Variants in SEPTIN14 observed in about 807,000 individuals in gnomAD.
SEPTIN14 encodes septin 14, also known as septin-14.
A neutral mutation model predicts 53.6 loss-of-function variants in SEPTIN14; 40 were observed. The ratio of observed to expected loss-of-function variants is 0.75; its 90% CI spans 0.58 to 0.97. The LOEUF (loss-of-function observed/expected upper bound fraction) is 0.97. SEPTIN14 is among the 50% of genes least tolerant of loss of function. SEPTIN14 has a pLI of 0.00. For synonymous variants in SEPTIN14, 138 were observed against 166.8 expected, an observed-to-expected ratio of 0.83 and a Z score of 1.33; for missense variants, 471 against 508.2, an observed-to-expected ratio of 0.93 and a Z score of 0.70.
chr7:55,806,215 G>T (rs1243602164), intron 8 of SEPTIN14, among the ~76,000 whole-genome samples: 2 of 151,984 alleles, frequency 1.3e-5, no homozygotes, highest in Non-Finnish European at 2.9e-5. Flanking sequence ...TGGCCAGGCT[G>T]ATCTTAAACT....
intron 6 of SEPTIN14, among the ~76,000 whole-genome samples, chr7:55,829,295 C>T (rs1789049533): frequency 6.6e-6 from 1 of 151,074 alleles, no homozygotes; most frequent in Non-Finnish European, 1.5e-5. Flanking sequence ...ATGAGAATTG[C>T]TTGAACCTGG....
chr7:55,837,636 T>G (rs1039411954), intron 5 of SEPTIN14, among the ~76,000 whole-genome samples: 1 of 152,032 alleles, frequency 6.6e-6, no homozygotes, highest in African/African-American at 2.4e-5. Context: ...CAGGCTGAAG[T>G]GCAATGGCGT....
At chr7:55,835,363 C>T (rs1644828552) in intron 5 of SEPTIN14, among the ~76,000 whole-genome samples, 2 of 151,784 alleles carry the variant, frequency 1.3e-5, no homozygotes. Flanking sequence ...CCACCATGCC[C>T]GGCTACTTTT....
At chr7:55,854,244 A>C (rs1223206225) in intron 2 of SEPTIN14, among the ~76,000 whole-genome samples, 2 of 152,208 alleles carry the variant, frequency 1.3e-5, no homozygotes, top group Non-Finnish European at 2.9e-5. Context: ...TTGAATACCC[A>C]TTTGTGATTT....
At chr7:55,801,943 A>C (rs1160599198) in intron 9 of SEPTIN14, among the ~76,000 whole-genome samples, 2 of 152,016 alleles carry the variant, frequency 1.3e-5, no homozygotes, top group Non-Finnish European at 2.9e-5. Flanking sequence ...AAAATGGAAA[A>C]ATACAAAAAT....
chr7:55,862,626 T>C (rs1026632676), intron 1 of SEPTIN14, 62 bp downstream of exon 1: 7 of 152,198 alleles, frequency 4.6e-5, no homozygotes, highest in Non-Finnish European at 1.0e-4. Context: ...CTGAGATGTA[T>C]GTATTTTCAT....
chr7:55,859,052 G>A (rs1789697534), intron 2 of SEPTIN14, among the ~76,000 whole-genome samples: 1 of 151,846 alleles, frequency 6.6e-6, no homozygotes. Context: ...TTGGGAGGCT[G>A]AGGCAGGAGA....
chr7:55,817,502 G>A (rs889896206), intron 7 of SEPTIN14, among the ~76,000 whole-genome samples: 5 of 147,360 alleles, frequency 3.4e-5, no homozygotes, highest in Non-Finnish European at 7.4e-5. Context: ...AAGGAGTCTC[G>A]CTCTGTTGCC....
rs1788513035 is a variant in SEPTIN14 at position 55,800,899 on chromosome 7, G to A, written c.1119+4359C>T. Among the ~76,000 whole-genome samples, 4 of 152,048 alleles carry A rather than the reference G, an allele frequency of 2.6e-5. No homozygotes were observed. The South Asian group carries it at 6.2e-4, about 24-fold the overall frequency. ...ATAGATATCCCATTTAACTTGATGTGATTATTACACATTGTATGCCTATAT... is the reference window on the plus strand; with the variant it reads ...ATAGATATCCCATTTAACTTGATGTAATTATTACACATTGTATGCCTATAT... On this transcript the variant is annotated intron_variant, in intron 9 of 9. Coordinates refer to ENST00000388975, the MANE Select transcript of SEPTIN14 (RefSeq NM_207366.3).
rs1562713344 is a variant in SEPTIN14 at position 55,830,338 on chromosome 7, TA to T, written c.720+4086del. On this transcript the variant is annotated intron_variant, in intron 6 of 9. Transcript: ENST00000388975. ...ATCCAACTGTATATATATATATATA[TA>T]TATATATATATTTTTTTTTTTTTTT... is the stretch of plus-strand genomic sequence containing the variant. Among the ~76,000 whole-genome samples the T allele has an allele frequency of 1.5e-3, 68 of 44,724 alleles. 3 individuals carry two copies. Among genetic ancestry groups the T allele is most frequent in the African/African-American group, 4.6e-3 (57 of 12,434 alleles). The allele number at this position is 44,724 out of a possible 152,430, so 29.3% of individuals were successfully genotyped here. A position where few individuals can be genotyped will look rare whatever the true frequency, so the allele number is the denominator to read the frequency against.
Position 55,839,910 on chromosome 7 carries a change from C to T in SEPTIN14, c.558+3032G>A, listed in dbSNP as rs572917363. 3.3e-5 allele frequency among the ~76,000 whole-genome samples: 5 copies of T among 151,948 alleles called. No homozygotes were observed. The South Asian group carries it at 8.3e-4, about 25-fold the overall frequency. On this transcript the variant is annotated intron_variant, in intron 5 of 9. Coordinates refer to ENST00000388975, the MANE Select transcript of SEPTIN14 (RefSeq NM_207366.3). ...CTGTAATCCCAGCACTTTGGGAGGC[C>T]GAGGTGGGCAGATCACCTGAGATTA...
intron 2 of SEPTIN14, among the ~76,000 whole-genome samples, chr7:55,853,736 G>T (rs1275584919): frequency 6.6e-6 from 1 of 152,058 alleles, no homozygotes; most frequent in Non-Finnish European, 1.5e-5. Flanking sequence ...CATTTATCCT[G>T]ATATGATTAT....
At chr7:55,839,251 T>C (rs949049245) in intron 5 of SEPTIN14, among the ~76,000 whole-genome samples, 3 of 151,854 alleles carry the variant, frequency 2.0e-5, no homozygotes, top group Admixed American at 2.0e-4. Flanking sequence ...TAGCCGGGCG[T>C]GGTAGCGGGC....
chr7:55,811,146 G>A, intron 7 of SEPTIN14: 1 of 486,632 alleles, frequency 2.1e-6, no homozygotes, highest in Non-Finnish European at 4.1e-6. Context: ...AGCTGTTGCT[G>A]CCTCTTCCAA....
chr7:55,846,612 A>C lies in SEPTIN14; in HGVS notation c.80T>G (p.Leu27Ter). ...DTQKENNIRC[L>*]TTIGHFGFEC... ...AAAACCAAAATGTCCAATCGTAGTTAAACAACGAATATTATTTTCTTTTTG... is the reference window on the plus strand; with the variant it reads ...AAAACCAAAATGTCCAATCGTAGTTCAACAACGAATATTATTTTCTTTTTG... The change falls in exon 3 of 10, where the codon TTA becomes TGA. Residue 27 changes from leucine to a stop codon, truncating the protein, a stop_gained. Coordinates refer to ENST00000388975, the MANE Select transcript of SEPTIN14 (RefSeq NM_207366.3). LOFTEE classifies it high-confidence loss of function. 6.7e-7 allele frequency: 1 copy of C among 1,489,106 alleles called. No individual in the cohort carries two copies. Among genetic ancestry groups the C allele is most frequent in the Non-Finnish European group, 9.3e-7 (1 of 1,072,070 alleles). The allele number at this position is 1,489,106 out of a possible 1,614,324, so 92.2% of individuals were successfully genotyped here.
intron 7 of SEPTIN14, among the ~76,000 whole-genome samples, chr7:55,813,340 GTTAA>G (rs966783568): frequency 2.0e-5 from 3 of 152,146 alleles, no homozygotes; most frequent in African/African-American, 7.2e-5. Flanking sequence ...TCCACCACTA[GTTAA>G]TTAAAGTGCC....
At chr7:55,845,237 A>G (rs986617274) in intron 3 of SEPTIN14, among the ~76,000 whole-genome samples, 1 of 152,202 alleles carries the variant, frequency 6.6e-6, no homozygotes, top group African/African-American at 2.4e-5. Context: ...GCTGGAGGCC[A>G]TCATCCTTAG....
At chr7:55,853,667 G>A (rs562498352) in intron 2 of SEPTIN14, among the ~76,000 whole-genome samples, 1 of 152,204 alleles carries the variant, frequency 6.6e-6, no homozygotes, top group South Asian at 2.1e-4. Context: ...AGAATGAAGA[G>A]TACAATTGAA....
chr7:55,824,786 T>A (rs1461080056), intron 6 of SEPTIN14, among the ~76,000 whole-genome samples: 1 of 151,224 alleles, frequency 6.6e-6, no homozygotes, highest in Non-Finnish European at 1.5e-5. Flanking sequence ...TGAGACTCCA[T>A]CTCAAAAAAA....
Sources: allele counts gnomAD v4.1 joint callset (sites outside exome capture counted in the v4.1 genomes callset), GRCh38; gene constraint gnomAD v4.1.1; transcripts MANE v1.5; gene names NCBI Gene and HGNC (gene_info 2026-07-23, HGNC 2026-07-21).